The following PPP2R5C variants were observed in gnomAD, a reference collection of about 807,000 sequenced individuals.
PPP2R5C encodes serine/threonine-protein phosphatase 2A 56 kDa regulatory subunit gamma isoform.
A neutral mutation model predicts 68.9 loss-of-function variants in PPP2R5C; 7 were observed. That is an observed-to-expected ratio of 0.10 (90% confidence interval 0.06 to 0.19). PPP2R5C has a LOEUF of 0.19. Ranked by LOEUF, PPP2R5C falls within the 10% of genes least tolerant of loss-of-function variation. The pLI is 1.00. For synonymous variants in PPP2R5C, 210 were observed against 222.2 expected (o/e 0.95, Z 0.49); for missense variants, 348 against 641.3 (o/e 0.54, Z 4.94).
rs1416940157 is a variant in PPP2R5C, at chr14:101,917,854, C to T, written c.1350C>T (p.Ser450=). 1.8e-5 allele frequency: 29 copies of T among 1,613,592 alleles called. No individual in the cohort carries two copies. Among genetic ancestry groups the T allele is most frequent in the Non-Finnish European group, 2.5e-5 (29 of 1,179,714 alleles). ...AGTACACAGTGTATAGTCAAGCCAG[C>T]ACCATGAGCATTCCGGTTGCAATGG... Residue 450 remains serine, a synonymous_variant, in exon 13 of 14, where the codon AGC becomes AGT. Coordinates refer to ENST00000334743, the Ensembl canonical transcript of PPP2R5C. This position sits in a 1 kb window ranked among gnomAD's most constrained non-coding sequence, Gnocchi z 4.4.
chr14:101,765,568 CT>C (rs568558671), intron 2 of PPP2R5C: 9,809 of 152,646 alleles, frequency 0.064, 163 homozygotes, highest in African/African-American at 0.13. Context: ...GCTTTCAAGC[CT>C]TTTTTTTTTT....
Position 101,774,576 on chromosome 14 carries a change from G to A in PPP2R5C, c.94-11442G>A, listed in dbSNP as rs114883519. On this transcript the variant is annotated intron_variant, in intron 2 of 14. Transcript: ENST00000328724. ...ACCTGCTTTCTCCCTCCAGCCCCACGCTGCTTTGTGGTTGCCAGATGGAAG... is the reference window on the plus strand; with the variant it reads ...ACCTGCTTTCTCCCTCCAGCCCCACACTGCTTTGTGGTTGCCAGATGGAAG... 5.7e-3 allele frequency among the ~76,000 whole-genome samples: 867 copies of A among 152,240 alleles called. 8 individuals are homozygous for A. Among genetic ancestry groups the A allele is most frequent in the African/African-American group, 0.02 (821 of 41,534 alleles).
At chr14:101,856,378 T>G (rs1028043546) in intron 1 of PPP2R5C, among the ~76,000 whole-genome samples, 2 of 152,236 alleles carry the variant, frequency 1.3e-5, no homozygotes, top group African/African-American at 4.8e-5. Context: ...CTGTGATCAT[T>G]GCTGCTCAGA....
Position 101,882,766 on chromosome 14 carries a change from AC to A in PPP2R5C, c.406-488del, listed in dbSNP as rs1440181333. ...CGTGACAGGCGGCCCACGCTGTCCCACCCAGCATGTCTGCACAGGGAAAGAA... is the reference window on the plus strand; with the variant it reads ...CGTGACAGGCGGCCCACGCTGTCCCACCAGCATGTCTGCACAGGGAAAGAA... On this transcript the variant is annotated intron_variant, in intron 3 of 13. Transcript: ENST00000334743. This position sits in a 1 kb window ranked among gnomAD's most constrained non-coding sequence, Gnocchi z 4.9. 6.1e-6 allele frequency: 1 copy of A among 162,926 alleles called. No individual in the cohort carries two copies. Among genetic ancestry groups the A allele is most frequent in the Non-Finnish European group, 1.3e-5 (1 of 75,362 alleles). The allele number at this position is 162,926 out of a possible 1,614,324, so 10.1% of individuals were successfully genotyped here. A position where few individuals can be genotyped will look rare whatever the true frequency, so the allele number is the denominator to read the frequency against.
At chr14:101,925,279 G>A (rs750847624) in exon 14 of PPP2R5C, 1 of 1,612,032 alleles carries the variant, frequency 6.2e-7, no homozygotes, top group South Asian at 1.1e-5. Context: ...CTAGCCTCCG[G>A]GGCGCCGCGT....
intron 3 of PPP2R5C, among the ~76,000 whole-genome samples, chr14:101,793,484 C>T (rs373049184): frequency 6.6e-6 from 1 of 152,260 alleles, no homozygotes; most frequent in African/African-American, 2.4e-5. Context: ...TCCACTTACT[C>T]GCTGCTCCAC....
chr14:101,761,063 G>A (rs1430472967), upstream of PPP2R5C, among the ~76,000 whole-genome samples: 5 of 136,442 alleles, frequency 3.7e-5, 1 homozygote, highest in South Asian at 5.1e-4. Flanking sequence ...GAGGGGAGTG[G>A]AGGGAGAGGA....
intron 13 of PPP2R5C, among the ~76,000 whole-genome samples, chr14:101,922,498 T>A (rs2047066489): frequency 1.0e-5 from 1 of 97,030 alleles, no homozygotes; most frequent in African/African-American, 7.8e-5. Flanking sequence ...CAAAAATAAA[T>A]ATAAAATAAT....
intron 2 of PPP2R5C, 27 bp downstream of exon 4, chr14:101,856,912 G>T (rs963643353): frequency 7.5e-6 from 12 of 1,599,886 alleles, no homozygotes; most frequent in Non-Finnish European, 1.0e-5. Flanking sequence ...TAACCAGTGT[G>T]TCCCAGTTCT....
chr14:101,846,601 A>G (rs181717085), intron 1 of PPP2R5C, among the ~76,000 whole-genome samples: 2 of 152,312 alleles, frequency 1.3e-5, no homozygotes, highest in East Asian at 1.9e-4. Context: ...GAAGTATTTC[A>G]TTGTTATGTT....
At chr14:101,884,144 G>A (rs2140907869) in intron 5 of PPP2R5C, among the ~76,000 whole-genome samples, 1 of 152,298 alleles carries the variant, frequency 6.6e-6, no homozygotes, top group South Asian at 2.1e-4. Flanking sequence ...AGAATTTAGA[G>A]TCCAATGTTC....
In PPP2R5C at chr14:101,879,059, T is replaced by C. The variant is rs1350151104; in HGVS notation, c.295-3102T>C. Among the ~76,000 whole-genome samples the C allele has an allele frequency of 6.6e-6, 1 of 152,232 alleles. No individual in the cohort carries two copies. The highest frequency in any genetic ancestry group is 1.5e-5 in the Non-Finnish European group (1 of 68,038). On this transcript the variant is annotated intron_variant, in intron 2 of 13. Transcript: ENST00000334743. This position sits in a 1 kb window ranked among gnomAD's most constrained non-coding sequence, Gnocchi z 4.2. Reference sequence around the variant, plus strand: ...TCCAATCTAGGTTAAAGCTTTCATCTCAGACCCTCTGCAAATGGCATCTAA... The same window carrying C: ...TCCAATCTAGGTTAAAGCTTTCATCCCAGACCCTCTGCAAATGGCATCTAA...
intron 3 of PPP2R5C, among the ~76,000 whole-genome samples, chr14:101,799,039 A>G (rs1208986181): frequency 1.3e-5 from 2 of 152,184 alleles, no homozygotes; most frequent in Non-Finnish European, 2.9e-5. Flanking sequence ...ATTGGGTGCA[A>G]CTGCTTGATT....
intron 3 of PPP2R5C, among the ~76,000 whole-genome samples, chr14:101,799,596 A>G (rs1454284327): frequency 2.6e-5 from 4 of 152,094 alleles, no homozygotes; most frequent in Non-Finnish European, 5.9e-5. Context: ...TCTGGGTTGC[A>G]TTTACTTAGA....
intron 8 of PPP2R5C, among the ~76,000 whole-genome samples, chr14:101,900,723 A>G (rs1373016742): frequency 2.0e-5 from 3 of 152,260 alleles, no homozygotes; most frequent in Non-Finnish European, 2.9e-5. Flanking sequence ...AAGGTTGCCC[A>G]GTGGAAATTC....
intron 12 of PPP2R5C, chr14:101,914,698 G>A (rs2046569012): frequency 6.5e-6 from 1 of 153,966 alleles, no homozygotes; most frequent in Non-Finnish European, 1.4e-5. Context: ...AGGCTGCGGT[G>A]CCCTCAGGAG....
chr14:101,848,478 C>T (rs1317586893), intron 1 of PPP2R5C, among the ~76,000 whole-genome samples: 2 of 151,902 alleles, frequency 1.3e-5, no homozygotes, highest in African/African-American at 2.4e-5. Context: ...TTGCAGTAAG[C>T]CGAGAGCCAA....
intron 13 of PPP2R5C, 114 bp from the exon 16 acceptor site, chr14:101,925,027 C>A: frequency 8.2e-7 from 1 of 1,214,326 alleles, no homozygotes; most frequent in South Asian, 1.4e-5. Context: ...GTGCCGCCAG[C>A]GAGTGGGTGA....
intron 1 of PPP2R5C, among the ~76,000 whole-genome samples, chr14:101,852,463 C>A (rs979636747): frequency 2.4e-5 from 3 of 126,212 alleles, no homozygotes; most frequent in South Asian, 2.5e-4. Context: ...TTTTCATTTT[C>A]TTTTTCTTTT....
Sources: gnomAD v4.1 joint callset for allele counts (sites outside exome capture counted in the v4.1 genomes callset) on GRCh38, gnomAD v4.1.1 for gene constraint, Gnocchi (gnomAD v3.1) non-coding constraint, MANE v1.5 for transcripts, NCBI Gene and HGNC (gene_info 2026-07-23, HGNC 2026-07-21) for gene names.